Variants in RAP1GAP2 observed in about 807,000 individuals in gnomAD.
The protein encoded by RAP1GAP2 is RAP1 GTPase activating protein 2.
RAP1GAP2 carries 27 observed loss-of-function variants against 95.0 expected under a neutral mutation model. The ratio of observed to expected loss-of-function variants is 0.28; its 90% confidence interval spans 0.21 to 0.39. The LOEUF (loss-of-function observed/expected upper bound fraction) is 0.39. Among genes scored for constraint, RAP1GAP2 ranks in the 10% least tolerant of loss-of-function variants. RAP1GAP2 has a pLI of 1.00. For synonymous variants in RAP1GAP2, 373 were observed against 380.9 expected, an observed-to-expected ratio of 0.98 and a Z score of 0.24; for missense variants, 771 against 970.0, an observed-to-expected ratio of 0.79 and a Z score of 2.72.
chr17:3,011,386 G>A (rs1416240924), intron 17 of RAP1GAP2, among the ~76,000 whole-genome samples: 1 of 152,192 alleles, frequency 6.6e-6, no homozygotes, highest in Non-Finnish European at 1.5e-5. Flanking sequence ...GGATTCTGGT[G>A]TTTAGGCCAT....
At chr17:2,935,380 G>T (rs2043272749) in intron 3 of RAP1GAP2, among the ~76,000 whole-genome samples, 1 of 152,128 alleles carries the variant, frequency 6.6e-6, no homozygotes, top group Non-Finnish European at 1.5e-5. Flanking sequence ...GGTGGCGGGT[G>T]CCTGTAATCG....
chr17:2,964,433 T>G (rs1330017313), intron 7 of RAP1GAP2: 1 of 245,180 alleles, frequency 4.1e-6, no homozygotes. Flanking sequence ...GCCTCTTACC[T>G]CCTTCCTAGT....
At position 2,945,069 on chromosome 17, in the gene RAP1GAP2, G is replaced by T. The variant is rs1201969739; in HGVS notation, c.166-12690G>T. Among the ~76,000 whole-genome samples the T allele has an allele frequency of 2.0e-5, 3 of 151,986 alleles. No homozygotes were observed. The East Asian group carries it at 5.8e-4, about 29-fold the overall frequency. ...TTTTTGTATTTTTAGTAGAGACGAG[G>T]TTTCACTGTGTTAGCCAGGATGGCC... is the stretch of plus-strand genomic sequence containing the variant. On this transcript the variant is annotated intron_variant, in intron 3 of 24. Transcript: ENST00000254695.
intron 2 of RAP1GAP2, among the ~76,000 whole-genome samples, chr17:2,888,145 G>C (rs2073566640): frequency 6.6e-6 from 1 of 152,164 alleles, no homozygotes; most frequent in African/African-American, 2.4e-5. Context: ...ATTTCTAATT[G>C]ACACATAATA....
At chr17:2,886,171 A>ATATATATATTT (rs1172583026) in intron 2 of RAP1GAP2, among the ~76,000 whole-genome samples, 2 of 123,352 alleles carry the variant, frequency 1.6e-5, no homozygotes, top group African/African-American at 6.4e-5. Flanking sequence ...GTATATATAT[A>ATATATATATTT]TTTTTTTTTT....
At chr17:2,883,910 C>T (rs1458017591) in intron 2 of RAP1GAP2, among the ~76,000 whole-genome samples, 2 of 152,242 alleles carry the variant, frequency 1.3e-5, no homozygotes, top group African/African-American at 4.8e-5. Context: ...CAGGCAGGGG[C>T]CTAGGACTTT....
At chr17:2,860,101 G>C (rs2072315700) in intron 2 of RAP1GAP2, among the ~76,000 whole-genome samples, 1 of 152,296 alleles carries the variant, frequency 6.6e-6, no homozygotes, top group East Asian at 1.9e-4. Flanking sequence ...CATGAGGACT[G>C]TGCCTGGGGT....
At chr17:2,820,891 G>GATTTTTTTTTTTTTTT (rs1475267891) in intron 2 of RAP1GAP2, among the ~76,000 whole-genome samples, 1 of 114,008 alleles carries the variant, frequency 8.8e-6, no homozygotes, top group South Asian at 3.2e-4. Context: ...CCCGGATAAT[G>GATTTTTTTTTTTTTTT]GTTTTTTTTT....
intron 8 of RAP1GAP2, among the ~76,000 whole-genome samples, chr17:2,974,185 C>CAA (rs59861570): frequency 0.037 from 5,098 of 137,680 alleles, 321 homozygotes; most frequent in African/African-American, 0.13. Flanking sequence ...ACTAAAAATA[C>CAA]AAAAAAAAAA....
At position 2,797,163 on chromosome 17, in the gene RAP1GAP2, G is replaced by C. The variant is rs2069115690; in HGVS notation, c.44+592G>C. Among the ~76,000 whole-genome samples, 2 of 152,098 alleles carry C rather than the reference G, an allele frequency of 1.3e-5. No homozygotes were observed. Among genetic ancestry groups the C allele is most frequent in the African/African-American group, 4.8e-5 (2 of 41,412 alleles). On this transcript the variant is annotated intron_variant, in intron 1 of 24. Coordinates refer to ENST00000254695, the MANE Select transcript of RAP1GAP2 (RefSeq NM_015085.5). This position sits in a 1 kb window ranked among gnomAD's most constrained non-coding sequence, Gnocchi z 5.6. Reference sequence around the variant, plus strand: ...GACCTCTGGGCTGCCTGCTGTCTTGGGGGTGGGTTGTGAGAGAAGGTCTCC... The same window carrying C: ...GACCTCTGGGCTGCCTGCTGTCTTGCGGGTGGGTTGTGAGAGAAGGTCTCC...
At chr17:2,874,318 T>A (rs1192708150) in intron 2 of RAP1GAP2, among the ~76,000 whole-genome samples, 2 of 152,016 alleles carry the variant, frequency 1.3e-5, no homozygotes, top group Admixed American at 1.3e-4. Flanking sequence ...CACTCTAAAC[T>A]CCAAGGGAGG....
intron 3 of RAP1GAP2, among the ~76,000 whole-genome samples, chr17:2,911,928 T>A (rs1459759549): frequency 1.3e-5 from 2 of 152,196 alleles, no homozygotes; most frequent in East Asian, 3.9e-4. Context: ...CTGAGCTGGC[T>A]CGGTCAGCTG....
intron 18 of RAP1GAP2, 121 bp downstream of exon 18, chr17:3,018,319 A>C: frequency 7.5e-7 from 1 of 1,324,530 alleles, no homozygotes; most frequent in South Asian, 1.5e-5. Context: ...AAGCTGGATG[A>C]TGGTGGGAAA....
chr17:2,965,350 C>A lies in RAP1GAP2; in HGVS notation c.493-190C>A. 1.7e-6 allele frequency: 1 copy of A among 597,746 alleles called. No homozygotes were observed. Among genetic ancestry groups the A allele is most frequent in the Non-Finnish European group, 3.0e-6 (1 of 334,808 alleles). The allele number at this position is 597,746 out of a possible 1,614,324, so 37.0% of individuals were successfully genotyped here. A position where few individuals can be genotyped will look rare whatever the true frequency, so the allele number is the denominator to read the frequency against. ...GAAGGAGATAGTGGGTATTAAGCCC[C>A]TGGCACGGTGCCTGGCGCCTCCTGA... On this transcript the variant is annotated intron_variant, in intron 7 of 24. Transcript: ENST00000254695. This position sits in a 1 kb window ranked among gnomAD's most constrained non-coding sequence, Gnocchi z 4.7.
At chr17:2,869,141 C>T (rs749454368) in intron 2 of RAP1GAP2, among the ~76,000 whole-genome samples, 17 of 152,100 alleles carry the variant, frequency 1.1e-4, no homozygotes, top group South Asian at 2.1e-4. Flanking sequence ...CCTCATACCA[C>T]GGCAGTGTTA....
intron 2 of RAP1GAP2, among the ~76,000 whole-genome samples, chr17:2,833,559 G>A (rs948002843): frequency 2.6e-5 from 4 of 151,712 alleles, no homozygotes; most frequent in South Asian, 2.1e-4. Flanking sequence ...GTGTGTTGGC[G>A]GGCGCCTGTA....
chr17:2,886,415 C>T (rs1220938499), intron 2 of RAP1GAP2, among the ~76,000 whole-genome samples: 1 of 151,960 alleles, frequency 6.6e-6, no homozygotes, highest in Non-Finnish European at 1.5e-5. Flanking sequence ...TCAGGTGATC[C>T]ACCTGTCCTG....
chr17:2,989,432 C>T (rs2045678066), intron 11 of RAP1GAP2, among the ~76,000 whole-genome samples: 1 of 151,966 alleles, frequency 6.6e-6, no homozygotes, highest in South Asian at 2.1e-4. Flanking sequence ...TCCCGGGTTC[C>T]AGCGATTCTC....
At chr17:2,800,020 C>T (rs1226874664) in intron 1 of RAP1GAP2, among the ~76,000 whole-genome samples, 1 of 152,136 alleles carries the variant, frequency 6.6e-6, no homozygotes, top group African/African-American at 2.4e-5. Flanking sequence ...ACTGGTGGCT[C>T]CTTGGGCAGG....
Sources: gnomAD v4.1 joint callset for allele counts (sites outside exome capture counted in the v4.1 genomes callset) on GRCh38, gnomAD v4.1.1 for gene constraint, Gnocchi (gnomAD v3.1) non-coding constraint, MANE v1.5 for transcripts, NCBI Gene and HGNC (gene_info 2026-07-23, HGNC 2026-07-21) for gene names.